PCDH11X: variants seen among roughly 807,000 people sequenced by gnomAD.
PCDH11X encodes protocadherin-11 X-linked.
In PCDH11X, 18 loss-of-function variants were observed where a neutral mutation model predicts 53.3. That is an observed-to-expected ratio of 0.34 (90% CI 0.23 to 0.50). The LOEUF is 0.50. Among genes scored for constraint, PCDH11X ranks in the 20% least tolerant of loss-of-function variants. The pLI, the probability that PCDH11X is intolerant of heterozygous loss-of-function variation, is 0.98. For synonymous variants in PCDH11X, 279 were observed against 393.3 expected (o/e 0.71, Z 3.44); for missense variants, 570 against 1,032.4 (o/e 0.55, Z 6.14).
chrX:92,100,428 G>A (rs1281699884), intron 6 of PCDH11X, among the ~76,000 whole-genome samples: 1 of 108,731 alleles, frequency 9.2e-6, no homozygotes, highest in African/African-American at 3.5e-5. Context: ...TTCTCTGGCG[G>A]GTAGGAGTGG....
chrX:92,561,375 G>C (rs1302370165), intron 10 of PCDH11X, among the ~76,000 whole-genome samples: 4 of 95,120 alleles, frequency 4.2e-5, no homozygotes, highest in African/African-American at 1.5e-4. Flanking sequence ...CAAAATAGCT[G>C]TGTTAAGGAA....
intron 10 of PCDH11X, among the ~76,000 whole-genome samples, chrX:92,520,699 G>A (rs2750926): frequency 1.7e-3 from 183 of 110,372 alleles, no homozygotes; most frequent in Non-Finnish European, 2.6e-3. Flanking sequence ...GTAGCCTGCC[G>A]TGCTGTTTGA....
At chrX:92,405,115 C>T (rs1603301986) in intron 9 of PCDH11X, among the ~76,000 whole-genome samples, 1 of 92,151 alleles carries the variant, frequency 1.1e-5, no homozygotes, top group Middle Eastern at 5.3e-3. Context: ...CAGGTTTCCT[C>T]CTCTGTGTAA....
intron 8 of PCDH11X, among the ~76,000 whole-genome samples, chrX:92,273,898 A>G (rs1278629913): frequency 9.0e-6 from 1 of 110,697 alleles, no homozygotes. Flanking sequence ...CTGCCAGCAA[A>G]GATTACTTAT....
intron 6 of PCDH11X, among the ~76,000 whole-genome samples, chrX:91,929,928 T>C (rs2524660): frequency 1.6e-4 from 18 of 111,252 alleles, no homozygotes; most frequent in Admixed American, 1.2e-3. Flanking sequence ...AAAGCCTCTA[T>C]TGAGGAGAGT....
chrX:92,227,460 G>T (rs1315413701), intron 7 of PCDH11X, among the ~76,000 whole-genome samples: 1 of 111,189 alleles, frequency 9.0e-6, no homozygotes, highest in Non-Finnish European at 1.9e-5. Flanking sequence ...TCCTAAAGCT[G>T]TTGGGTTTCC....
intron 10 of PCDH11X, among the ~76,000 whole-genome samples, chrX:92,511,875 G>T (rs1417009433): frequency 9.1e-6 from 1 of 109,933 alleles, no homozygotes; most frequent in South Asian, 4.0e-4. Context: ...AGATGAGGGG[G>T]TGCCTAAGGG....
At chrX:91,932,667 T>G (rs1251664812) in intron 6 of PCDH11X, among the ~76,000 whole-genome samples, 1 of 68,794 alleles carries the variant, frequency 1.5e-5, no homozygotes, top group Non-Finnish European at 2.7e-5. Flanking sequence ...GTCTGCATTG[T>G]GTGAGTGTGT....
At chrX:91,982,853 C>T (rs899429516) in intron 6 of PCDH11X, 17 of 902,103 alleles carry the variant, frequency 1.9e-5, no homozygotes, top group South Asian at 1.2e-4. Flanking sequence ...TTTCGAAACG[C>T]GTGTTACTGT....
At chrX:91,929,334 C>T (rs1270291085) in intron 6 of PCDH11X, among the ~76,000 whole-genome samples, 1 of 110,431 alleles carries the variant, frequency 9.1e-6, no homozygotes, top group South Asian at 3.8e-4. Flanking sequence ...TAAAAGAGTA[C>T]ACAAGGTTTG....
chrX:92,507,811 C>A (rs1479408084), intron 10 of PCDH11X, among the ~76,000 whole-genome samples: 2 of 82,976 alleles, frequency 2.4e-5, no homozygotes, highest in Non-Finnish European at 4.9e-5. Flanking sequence ...TAATATTGAA[C>A]CACAGGAACA....
chrX:91,910,851 T>C (rs2147801721), intron 6 of PCDH11X, among the ~76,000 whole-genome samples: 2 of 111,484 alleles, frequency 1.8e-5, no homozygotes, highest in South Asian at 3.7e-4. Context: ...GTTCCATTAA[T>C]AATACATGGC....
At chrX:91,992,965 T>C (rs1055486853) in intron 6 of PCDH11X, among the ~76,000 whole-genome samples, 1 of 111,124 alleles carries the variant, frequency 9.0e-6, no homozygotes, top group Non-Finnish European at 1.9e-5. Context: ...GAATAACCTA[T>C]GTTTTTGAAT....
intron 10 of PCDH11X, among the ~76,000 whole-genome samples, chrX:92,584,787 TC>T (rs1924155271): frequency 1.2e-5 from 1 of 85,535 alleles, no homozygotes; most frequent in Admixed American, 1.4e-4. Context: ...TCTCTTTTTT[TC>T]CTTTTTTTTT....
chrX:91,820,956 C>A (rs1936655458), intron 4 of PCDH11X, among the ~76,000 whole-genome samples: 1 of 108,708 alleles, frequency 9.2e-6, no homozygotes, highest in Admixed American at 9.7e-5. Context: ...TTGTTTTTCT[C>A]AAGTTTGTCA....
chrX:92,232,234 A>G (rs1057146942), intron 7 of PCDH11X, among the ~76,000 whole-genome samples: 1 of 111,364 alleles, frequency 9.0e-6, no homozygotes, highest in Middle Eastern at 4.6e-3. Context: ...AGCCATGATC[A>G]CTGTGTTCAG....
chrX:91,803,999 G>C (rs1936018929), intron 1 of PCDH11X, among the ~76,000 whole-genome samples: 1 of 111,515 alleles, frequency 9.0e-6, no homozygotes, highest in African/African-American at 3.3e-5. Context: ...TAGGGATAGA[G>C]ATAATCCCCA....
intron 6 of PCDH11X, among the ~76,000 whole-genome samples, chrX:92,118,729 G>GTTTT (rs2064688538): frequency 1.4e-5 from 1 of 72,141 alleles, no homozygotes; most frequent in African/African-American, 5.6e-5. Context: ...TTATAATGCA[G>GTTTT]TCTTTTTTTT....
At chrX:92,396,347 A>G (rs35395693) in intron 9 of PCDH11X, among the ~76,000 whole-genome samples, 6,775 of 94,912 alleles carry the variant, frequency 0.071, 280 homozygotes, top group South Asian at 0.12. Context: ...GTGTAACTCT[A>G]TGCTACTTCT....
Sources: gnomAD v4.1 joint callset for allele counts (sites outside exome capture counted in the v4.1 genomes callset) on GRCh38, gnomAD v4.1.1 for gene constraint, MANE v1.5 for transcripts, NCBI Gene and HGNC (gene_info 2026-07-23, HGNC 2026-07-21) for gene names.